WDR19: variants seen among roughly 807,000 people sequenced by gnomAD.
WDR19 encodes the protein WD repeat-containing protein 19.
In WDR19, 121 loss-of-function variants were observed where a neutral mutation model predicts 180.0. That is an observed-to-expected ratio of 0.67 (90% CI 0.58 to 0.78). WDR19 has a LOEUF of 0.78. Ranked by LOEUF, WDR19 falls within the 30% of genes least tolerant of loss-of-function variation. The pLI, the probability that WDR19 is intolerant of heterozygous loss-of-function variation, is 0.00. For missense variants in WDR19, 1,450 were observed against 1,640.7 expected (o/e 0.88, Z 2.01); for synonymous variants, 497 against 540.7 (o/e 0.92, Z 1.12).
chr4:39,241,806 A>AAAG (rs900801280), intron 21 of WDR19, among the ~76,000 whole-genome samples: 2 of 151,472 alleles, frequency 1.3e-5, no homozygotes, highest in Non-Finnish European at 2.9e-5. Flanking sequence ...AAAAAAAAAA[A>AAAG]AAAGAAAGAA....
intron 1 of WDR19, among the ~76,000 whole-genome samples, chr4:39,184,999 T>A (rs947154526): frequency 2.0e-5 from 3 of 152,206 alleles, no homozygotes; most frequent in Non-Finnish European, 4.4e-5. Flanking sequence ...TATTTCAACA[T>A]GTAATCAATA....
In WDR19 at chr4:39,216,183, G is replaced by A. The variant is rs1398656246; in HGVS notation, c.1222G>A (p.Ala408Thr). 3 of 1,579,432 alleles carry A rather than the reference G, an allele frequency of 1.9e-6. No homozygotes were observed. In the South Asian group the frequency reaches 3.6e-5, roughly 19 times the overall value. Residue 408 changes from alanine (A) to threonine (T), a missense_variant, in exon 12 of 37, where the codon GCT becomes ACT. By Grantham distance (58) the Ala-to-Thr change is moderately conservative. Transcript: ENST00000399820. ...TCTGGCTGTAGGAATGAATAATCGAGCTTGGTTTTATGTCCTTGGAGAAAA... is the reference window on the plus strand; with the variant it reads ...TCTGGCTGTAGGAATGAATAATCGAACTTGGTTTTATGTCCTTGGAGAAAA... ...YHLAVGMNNR[A>T]WFYVLGENAV...
At chr4:39,220,514 C>CTTT (rs1161846669) in intron 14 of WDR19, among the ~76,000 whole-genome samples, 1 of 128,306 alleles carries the variant, frequency 7.8e-6, no homozygotes, top group Non-Finnish European at 1.7e-5. Context: ...TTTCTTTTTT[C>CTTT]TCTTCTTCTT....
chr4:39,221,068 C>A (rs192312677), intron 14 of WDR19, among the ~76,000 whole-genome samples: 2 of 151,680 alleles, frequency 1.3e-5, no homozygotes, highest in Admixed American at 1.3e-4. Flanking sequence ...ATGCTTGTTG[C>A]CATCTGAGAG....
At chr4:39,218,832 TTTA>T (rs1295627766) in intron 14 of WDR19, 1 of 152,126 alleles carries the variant, frequency 6.6e-6, no homozygotes, top group East Asian at 1.9e-4. Context: ...TAAAAAATAT[TTTA>T]TTATATCCTA....
chr4:39,276,395 TG>T (rs1735893807), intron 33 of WDR19, among the ~76,000 whole-genome samples: 1 of 152,188 alleles, frequency 6.6e-6, no homozygotes, highest in Non-Finnish European at 1.5e-5. Flanking sequence ...CCACGCTAGC[TG>T]GGGCTCTGGC....
rs187653602 is a variant in WDR19, at chr4:39,281,205, A to G, written c.*13+2542A>G. On this transcript the variant is annotated intron_variant, in intron 36 of 36. Coordinates refer to ENST00000399820, the MANE Select transcript of WDR19 (RefSeq NM_025132.4). ...ATTGCCTTCTTTGTCCTAAATATAT[A>G]TGTGTGTGTGTATATATATATATAT... Among the ~76,000 whole-genome samples the G allele has an allele frequency of 3.9e-3, 429 of 110,392 alleles. 11 individuals carry two copies. The highest frequency in any genetic ancestry group is 0.019 in the African/African-American group (388 of 20,708). The allele number at this position is 110,392 out of a possible 152,430, so 72.4% of individuals were successfully genotyped here.
chr4:39,186,430 G>A (rs1188517354), intron 2 of WDR19, 109 bp from the exon 3 acceptor site: 3 of 710,580 alleles, frequency 4.2e-6, no homozygotes, highest in Non-Finnish European at 6.0e-6. Context: ...AGTGAGCCAA[G>A]ATCACACCAC....
intron 32 of WDR19, 106 bp downstream of exon 32, chr4:39,273,167 C>T: frequency 1.2e-6 from 1 of 802,478 alleles, no homozygotes; most frequent in East Asian, 3.0e-5. Flanking sequence ...TCGTTTAATT[C>T]TCACAGCAGC....
intron 14 of WDR19, among the ~76,000 whole-genome samples, chr4:39,219,355 G>A (rs1476970154): frequency 6.6e-6 from 1 of 152,124 alleles, no homozygotes; most frequent in East Asian, 1.9e-4. Context: ...GAATTTTTCA[G>A]CTCCATCCTG....
intron 21 of WDR19, among the ~76,000 whole-genome samples, chr4:39,243,002 G>A (rs1732127101): frequency 2.6e-5 from 4 of 151,962 alleles, no homozygotes; most frequent in Admixed American, 2.6e-4. Context: ...AAATTAGCTG[G>A]GTATGGTAGC....
At chr4:39,254,072 C>T (rs1733522488) in intron 26 of WDR19, 42 bp downstream of exon 26, 1 of 1,579,196 alleles carries the variant, frequency 6.3e-7, no homozygotes, top group East Asian at 2.3e-5. Flanking sequence ...AGATGTTTAT[C>T]ATAAAAACAC....
At chr4:39,268,765 T>A (rs1011924208) in intron 30 of WDR19, among the ~76,000 whole-genome samples, 1 of 152,196 alleles carries the variant, frequency 6.6e-6, no homozygotes, top group Non-Finnish European at 1.5e-5. Flanking sequence ...CAGAGAGAAC[T>A]GAGCCACAGT....
intron 20 of WDR19, among the ~76,000 whole-genome samples, chr4:39,236,681 T>C (rs1302301361): frequency 6.6e-6 from 1 of 152,210 alleles, no homozygotes; most frequent in Non-Finnish European, 1.5e-5. Context: ...AATTAGACAA[T>C]TGCTGTTGCA....
At chr4:39,194,896 C>G (rs1308762999) in intron 5 of WDR19, 1 of 446,998 alleles carries the variant, frequency 2.2e-6, no homozygotes, top group Non-Finnish European at 4.0e-6. Context: ...CCTTTCGCAT[C>G]AGGACATTAA....
In WDR19 at chr4:39,194,586, C is replaced by A. The variant is rs755327576; in HGVS notation, c.333C>A (p.Phe111Leu). Residue 111 changes from phenylalanine (F) to leucine (L), a missense_variant, in exon 5 of 37, where the codon TTC (phenylalanine) becomes TTA (leucine). Physicochemically the swap from Phe to Leu is conservative, Grantham distance 22. Transcript: ENST00000399820. ...TTCTTTGGTCAAAAGTTGGAAGTTT[C>A]CTGGCTGTTGGAACTGTTAAAGGAA... ...SFLLWSKVGS[F>L]LAVGTVKGNL... 1 of 1,613,222 alleles carries A rather than the reference C, an allele frequency of 6.2e-7. No homozygotes were observed. The highest frequency in any genetic ancestry group is 8.5e-7 in the Non-Finnish European group (1 of 1,179,496).
At position 39,249,572 on chromosome 4, in the gene WDR19, G is replaced by C. The variant is rs1241084924; in HGVS notation, c.2730-3574G>C. ...AATCCAGGAGCTCGTTTTTTGAAAA[G>C]ATCAACAAAATTGATAGACCACTAG... On this transcript the variant is annotated intron_variant, in intron 24 of 36. Transcript: ENST00000399820. Among the ~76,000 whole-genome samples the C allele has an allele frequency of 2.6e-5, 4 of 152,060 alleles. No individual in the cohort carries two copies. In the East Asian group the frequency reaches 5.8e-4, roughly 22 times the overall value.
intron 33 of WDR19, among the ~76,000 whole-genome samples, chr4:39,276,462 G>C (rs1424937105): frequency 6.6e-6 from 1 of 152,094 alleles, no homozygotes; most frequent in African/African-American, 2.4e-5. Flanking sequence ...TAGCTATGTG[G>C]TCCAATATGG....
intron 24 of WDR19, among the ~76,000 whole-genome samples, chr4:39,247,005 G>A (rs1395521098): frequency 1.3e-5 from 2 of 152,226 alleles, no homozygotes; most frequent in Non-Finnish European, 2.9e-5. Flanking sequence ...GAAGAGAGGA[G>A]TGGTTCTCCC....
Sources: allele counts gnomAD v4.1 joint callset (sites outside exome capture counted in the v4.1 genomes callset), GRCh38; gene constraint gnomAD v4.1.1; transcripts MANE v1.5; gene names NCBI Gene and HGNC (gene_info 2026-07-23, HGNC 2026-07-21).